ZNF385C: variants seen among roughly 807,000 people sequenced by gnomAD.
The protein encoded by ZNF385C is zinc finger protein 385C, also known as CTD-2132N18.2.
In ZNF385C, 28 loss-of-function variants were observed where a neutral mutation model predicts 35.4. That is an observed-to-expected ratio of 0.79 (90% CI 0.59 to 1.08). ZNF385C has a LOEUF of 1.08. ZNF385C is among the 50% of genes least tolerant of loss of function. The pLI is 0.00. For synonymous variants in ZNF385C, 248 were observed against 248.2 expected, an observed-to-expected ratio of 1.00 and a Z score of 0.01; for missense variants, 605 against 595.6, an observed-to-expected ratio of 1.02 and a Z score of -0.16.
chr17:42,043,510 C>A, intron 2 of ZNF385C: 1 of 651,834 alleles, frequency 1.5e-6, no homozygotes, highest in Non-Finnish European at 2.2e-6. Context: ...GCCAGGCTAA[C>A]AGGGCCCATC....
chr17:42,053,630 T>C (rs1411711189), intron 2 of ZNF385C, among the ~76,000 whole-genome samples: 1 of 152,138 alleles, frequency 6.6e-6, no homozygotes, highest in Non-Finnish European at 1.5e-5. Flanking sequence ...CTACCCTTTC[T>C]TTCACCTTTG....
intron 1 of ZNF385C, among the ~76,000 whole-genome samples, chr17:42,087,971 C>T (rs1013623466): frequency 2.6e-5 from 4 of 152,204 alleles, no homozygotes; most frequent in Non-Finnish European, 4.4e-5. Context: ...TGTTTTAGGG[C>T]TGTAGGCCAT....
At position 42,037,845 on chromosome 17, in the gene ZNF385C, G is replaced by A; in HGVS notation, c.291C>T (p.Ser97=). 6.6e-7 allele frequency: 1 copy of A among 1,518,748 alleles called. No homozygotes were observed. The highest frequency in any genetic ancestry group is 8.8e-7 in the Non-Finnish European group (1 of 1,131,558). The allele number at this position is 1,518,748 out of a possible 1,614,324, so 94.1% of individuals were successfully genotyped here. Residue 97 remains serine, a synonymous_variant, in exon 3 of 9, where the codon TCC becomes TCT. Coordinates refer to ENST00000692273, the MANE Select transcript of ZNF385C (RefSeq NM_001392013.1). ...GCAGAGGCCGGGTGGGCAGGGGCAGGGAGGCCAGCAGGGGGCTGGGGGCGC... is the reference window on the plus strand; with the variant it reads ...GCAGAGGCCGGGTGGGCAGGGGCAGAGAGGCCAGCAGGGGGCTGGGGGCGC... ...ASGAPSPLLA[S]LPLPTRPLQP...
Position 42,093,570 on chromosome 17 carries a change from T to A in ZNF385C, c.-3+4840A>T, listed in dbSNP as rs2053884989. On this transcript the variant is annotated intron_variant, in intron 1 of 8. Coordinates refer to ENST00000692273, the MANE Select transcript of ZNF385C (RefSeq NM_001392013.1). ...TCAGCTCTTTATTTTTTTTACTTTT[T>A]ATTTTATTTTATTTATTTTTTTTTT... 4.7e-5 allele frequency among the ~76,000 whole-genome samples: 7 copies of A among 149,232 alleles called. No homozygotes were observed. In the South Asian group the frequency reaches 1.3e-3, roughly 27 times the overall value.
chr17:42,074,875 T>C, intron 1 of ZNF385C, among the ~76,000 whole-genome samples: 1 of 152,210 alleles, frequency 6.6e-6, no homozygotes, highest in East Asian at 1.9e-4. Flanking sequence ...ATCTTAGAGG[T>C]CATCCCATCT....
intron 1 of ZNF385C, among the ~76,000 whole-genome samples, chr17:42,064,068 G>GCACACACA (rs1197685074): frequency 6.2e-4 from 37 of 59,562 alleles, no homozygotes; most frequent in East Asian, 2.5e-3. Flanking sequence ...GCGCGCACAC[G>GCACACACA]CACATACACA....
chr17:42,061,806 T>C (rs1287103094), intron 2 of ZNF385C: 1 of 152,786 alleles, frequency 6.5e-6, no homozygotes, highest in Admixed American at 6.5e-5. Flanking sequence ...CCTGAGGGTA[T>C]GTCCCATGTG....
intron 2 of ZNF385C, chr17:42,039,824 C>G (rs565475548): frequency 4.2e-5 from 52 of 1,232,186 alleles, no homozygotes; most frequent in Non-Finnish European, 4.9e-5. Context: ...ACCATGTGGC[C>G]CCCCCGGCCT....
At chr17:42,031,560 C>A in intron 5 of ZNF385C, 59 bp downstream of exon 5, 1 of 1,511,656 alleles carries the variant, frequency 6.6e-7, no homozygotes, top group South Asian at 1.2e-5. Context: ...TCTCTCAACC[C>A]CTTGTCGGAA....
intron 1 of ZNF385C, among the ~76,000 whole-genome samples, chr17:42,085,183 G>A (rs1160848413): frequency 2.6e-5 from 4 of 152,078 alleles, no homozygotes; most frequent in Non-Finnish European, 5.9e-5. Context: ...TGTAATCCCA[G>A]CACTTTGGGA....
At chr17:42,031,376 G>T (rs2052724958) in intron 5 of ZNF385C, among the ~76,000 whole-genome samples, 1 of 152,158 alleles carries the variant, frequency 6.6e-6, no homozygotes, top group South Asian at 2.1e-4. Flanking sequence ...CCTTGGAAAT[G>T]AATACTTCAA....
At chr17:42,067,523 T>G (rs1280463681) in intron 1 of ZNF385C, among the ~76,000 whole-genome samples, 2 of 152,092 alleles carry the variant, frequency 1.3e-5, no homozygotes, top group African/African-American at 2.4e-5. Context: ...CCCCTGGGCA[T>G]GACAGACCCC....
At chr17:42,086,363 C>T (rs1391390525) in intron 1 of ZNF385C, among the ~76,000 whole-genome samples, 3 of 151,748 alleles carry the variant, frequency 2.0e-5, no homozygotes, top group African/African-American at 7.3e-5. Context: ...GCCTGGGCAA[C>T]AGAGTGAGAC....
At position 42,027,654 on chromosome 17, in the gene ZNF385C, C is replaced by T; in HGVS notation, c.1239G>A (p.Leu413=). 2 of 1,596,658 alleles carry T rather than the reference C, an allele frequency of 1.3e-6. No homozygotes were observed. Among genetic ancestry groups the T allele is most frequent in the Non-Finnish European group, 1.7e-6 (2 of 1,171,172 alleles). The stretch of plus-strand genomic sequence containing the variant: ...TCACAGCCAGCGCTGCGTGCTTCTG[C>T]AGCTTGCTGTGCTGGCTGGAGGGCT... ...TPKPSSQHSK[L]QKHAALAVSI... Residue 413 remains leucine (L), a synonymous_variant, in exon 8 of 9, where the codon CTG becomes CTA. Coordinates refer to ENST00000692273, the MANE Select transcript of ZNF385C (RefSeq NM_001392013.1).
intron 1 of ZNF385C, among the ~76,000 whole-genome samples, chr17:42,084,644 T>C (rs1389746051): frequency 6.6e-6 from 1 of 152,162 alleles, no homozygotes; most frequent in Non-Finnish European, 1.5e-5. Flanking sequence ...AGGGTCTCAC[T>C]CTGTTGCCCA....
intron 2 of ZNF385C, chr17:42,040,127 G>A: frequency 2.4e-6 from 3 of 1,231,418 alleles, no homozygotes; most frequent in Non-Finnish European, 3.0e-6. Flanking sequence ...CCCTCGCCAT[G>A]CGTGCCCAGC....
At position 42,026,712 on chromosome 17, in the gene ZNF385C, G is replaced by A. The variant is rs782160634; in HGVS notation, c.*185C>T. Reference sequence around the variant, plus strand: ...CTAGGATTAACCCTGGAAGGCCTGCGAAAGGAGGGTGGGGACAGTCCTTGG... The same window carrying A: ...CTAGGATTAACCCTGGAAGGCCTGCAAAAGGAGGGTGGGGACAGTCCTTGG... On this transcript the variant is annotated 3_prime_UTR_variant, in exon 9 of 9. Coordinates refer to ENST00000692273, the MANE Select transcript of ZNF385C (RefSeq NM_001392013.1). 2.4e-4 allele frequency: 154 copies of A among 650,818 alleles called. 1 individual carries two copies. Among genetic ancestry groups the A allele is most frequent in the African/African-American group, 1.5e-3 (82 of 54,884 alleles). The allele number at this position is 650,818 out of a possible 1,614,324, so 40.3% of individuals were successfully genotyped here.
rs906257831 is a variant in ZNF385C, at chr17:42,042,986, C to A, written c.251-5101G>T. 6.5e-6 allele frequency: 8 copies of A among 1,232,266 alleles called. No homozygotes were observed. The Admixed American group carries it at 3.4e-4, about 52-fold the overall frequency. 76.3% of individuals were successfully genotyped at this position (1,232,266 alleles called of 1,614,324 possible). A position where few individuals can be genotyped will look rare whatever the true frequency, so the allele number is the denominator to read the frequency against. On this transcript the variant is annotated intron_variant, in intron 2 of 8. Transcript: ENST00000692273. ...GCCATGCAGTACACAGTAGTCAGCA[C>A]AGCCACTTTGGCCGGGTCTAACTCC...
chr17:42,067,593 T>C (rs2053566579), intron 1 of ZNF385C, among the ~76,000 whole-genome samples: 1 of 152,058 alleles, frequency 6.6e-6, no homozygotes, highest in Non-Finnish European at 1.5e-5. Flanking sequence ...GGGTCCAGGG[T>C]ATAGCTCTTC....
Sources: allele counts gnomAD v4.1 joint callset (sites outside exome capture counted in the v4.1 genomes callset), GRCh38; gene constraint gnomAD v4.1.1; transcripts MANE v1.5; gene names NCBI Gene and HGNC (gene_info 2026-07-23, HGNC 2026-07-21).